SGCD: variants seen among roughly 807,000 people sequenced by gnomAD.
SGCD encodes delta-sarcoglycan.
In SGCD, 18 loss-of-function variants were observed where a neutral mutation model predicts 36.6. The observed-to-expected ratio is 0.49, with a 90% CI of 0.34 to 0.73. SGCD has a LOEUF of 0.73. SGCD is among the 30% of genes least tolerant of loss of function. The probability of loss-of-function intolerance (pLI) is 0.01; values close to 1 mark genes in which losing one functional copy is unlikely to be tolerated. For missense variants in SGCD, 387 were observed against 346.7 expected (o/e 1.12, Z -0.92); for synonymous variants, 133 against 130.6 (o/e 1.02, Z -0.12).
intron 1 of SGCD, among the ~76,000 whole-genome samples, chr5:155,951,044 C>T (rs1242781685): frequency 6.6e-6 from 1 of 152,138 alleles, no homozygotes; most frequent in Non-Finnish European, 1.5e-5. Context: ...GAGTTGAGGA[C>T]AGTGAGAGGG....
intron 7 of SGCD, among the ~76,000 whole-genome samples, chr5:156,685,201 G>GGAGATGC (rs1245004871): frequency 6.6e-6 from 1 of 152,096 alleles, no homozygotes; most frequent in African/African-American, 2.4e-5. Context: ...AGAATCCAGG[G>GGAGATGC]GAGATGCGTC....
At chr5:156,256,170 AT>A (rs1765710793) in intron 3 of SGCD, among the ~76,000 whole-genome samples, 1 of 140,516 alleles carries the variant, frequency 7.1e-6, no homozygotes, top group South Asian at 2.4e-4. Context: ...AAGAGTCTAT[AT>A]TCTTTTCTTG....
At chr5:156,402,481 C>A (rs1365438571) in intron 3 of SGCD, among the ~76,000 whole-genome samples, 1 of 152,178 alleles carries the variant, frequency 6.6e-6, no homozygotes, top group African/African-American at 2.4e-5. Context: ...CGAAATGAGA[C>A]AGCGTTGCCT....
At position 156,761,318 on chromosome 5, in the gene SGCD, C is replaced by G. The variant is rs571946152; in HGVS notation, c.*1928C>G. 6.6e-6 allele frequency: 1 copy of G among 152,256 alleles called. No individual in the cohort carries two copies. The highest frequency in any genetic ancestry group is 2.4e-5 in the African/African-American group (1 of 41,436). The allele number at this position is 152,256 out of a possible 1,614,324, so 9.4% of individuals were successfully genotyped here. ...TGGCGTCCAGACCCCAGACTCACTC[C>G]AAGCACTCTTGTTCAATATCTCATG... On this transcript the variant is annotated 3_prime_UTR_variant, in exon 9 of 9. Transcript: ENST00000337851.
chr5:156,122,799 A>T (rs767249394), intron 2 of SGCD, among the ~76,000 whole-genome samples: 1 of 131,462 alleles, frequency 7.6e-6, no homozygotes, highest in Non-Finnish European at 1.6e-5. Flanking sequence ...AACCTTGTAG[A>T]TCTTTAATGA....
chr5:156,094,501 C>A (rs32384), intron 1 of SGCD, among the ~76,000 whole-genome samples: 64,036 of 152,024 alleles, frequency 0.42, 13,905 homozygotes, highest in African/African-American at 0.5. Flanking sequence ...ATTTCCCAGT[C>A]CTTTGACAAA....
the SGCD span, among the ~76,000 whole-genome samples, chr5:155,857,379 G>A: frequency 6.6e-6 from 1 of 152,186 alleles, no homozygotes; most frequent in Non-Finnish European, 1.5e-5. Context: ...AAAATTGGAA[G>A]CAACTCAAAT....
chr5:156,531,175 T>A lies in SGCD; in HGVS notation c.294+22473T>A, dbSNP rs117860163. Among the ~76,000 whole-genome samples the A allele has an allele frequency of 4.4e-4, 67 of 152,312 alleles. 2 individuals carry two copies. In the East Asian group the frequency reaches 0.012, roughly 28 times the overall value. ...CTCTCCTGTCTCCTCTTCTGCCATG[T>A]GAGGACATAGTATTCCTCCCTTGGA... is the stretch of plus-strand genomic sequence containing the variant. On this transcript the variant is annotated intron_variant, in intron 4 of 8. Transcript: ENST00000337851.
rs1581545389 is a variant in SGCD at position 156,763,231 on chromosome 5, T to G, written c.*3841T>G. 6.5e-6 allele frequency: 1 copy of G among 152,744 alleles called. No individual in the cohort carries two copies. Among genetic ancestry groups the G allele is most frequent in the East Asian group, 1.9e-4 (1 of 5,188 alleles). The allele number at this position is 152,744 out of a possible 1,614,324, so 9.5% of individuals were successfully genotyped here. ...TGTAGGCTCTTTCTGCTGTCTATAT[T>G]CATTAAAGTTTTCCACTTCACCCTC... On this transcript the variant is annotated 3_prime_UTR_variant, in exon 9 of 9. Transcript: ENST00000337851.
intron 6 of SGCD, among the ~76,000 whole-genome samples, chr5:156,616,166 G>T (rs1363695941): frequency 6.6e-6 from 1 of 152,160 alleles, no homozygotes; most frequent in Non-Finnish European, 1.5e-5. Context: ...TCTGTCTTCA[G>T]CTCTGCTGGT....
intron 3 of SGCD, among the ~76,000 whole-genome samples, chr5:156,223,450 T>C (rs1021456120): frequency 4.6e-5 from 7 of 152,094 alleles, no homozygotes; most frequent in African/African-American, 1.7e-4. Flanking sequence ...TGATTTACAA[T>C]GGAGAATAGC....
chr5:156,211,348 C>T (rs990385166), intron 3 of SGCD, among the ~76,000 whole-genome samples: 1 of 152,118 alleles, frequency 6.6e-6, no homozygotes, highest in Non-Finnish European at 1.5e-5. Context: ...TGGCTCAAGC[C>T]TGTAATCCCA....
In SGCD at chr5:156,329,564, G is replaced by A. The variant is rs1440354794; in HGVS notation, c.-13G>A. 1.2e-6 allele frequency: 2 copies of A among 1,613,144 alleles called. No individual in the cohort carries two copies. The highest frequency in any genetic ancestry group is 2.7e-5 in the African/African-American group (2 of 74,888). ...TTACTGCCGGGAGTGTTGAGTGAAG[G>A]GACCAGGTGGAGATGGTGAGTAATT... On this transcript the variant is annotated 5_prime_UTR_variant, in exon 2 of 9. Transcript: ENST00000337851.
At chr5:155,909,316 C>A (rs114537362) in intron 1 of SGCD, among the ~76,000 whole-genome samples, 55 of 152,138 alleles carry the variant, frequency 3.6e-4, no homozygotes, top group African/African-American at 1.2e-3. Flanking sequence ...ATAAATATTT[C>A]GAAGATGGAA....
At chr5:156,187,866 G>A (rs1763800552) in intron 3 of SGCD, among the ~76,000 whole-genome samples, 1 of 152,166 alleles carries the variant, frequency 6.6e-6, no homozygotes, top group Admixed American at 6.5e-5. Context: ...GACTGACAAA[G>A]AAGCTCATTA....
chr5:156,740,713 T>A (rs1231980946), intron 7 of SGCD, among the ~76,000 whole-genome samples: 2 of 152,210 alleles, frequency 1.3e-5, no homozygotes, highest in Non-Finnish European at 2.9e-5. Flanking sequence ...GCTAAGTCAG[T>A]CTACGTCAAT....
chr5:155,869,192 T>G (rs1384841271), upstream of SGCD, among the ~76,000 whole-genome samples: 1 of 152,182 alleles, frequency 6.6e-6, no homozygotes, highest in African/African-American at 2.4e-5. Flanking sequence ...TTCTTGTCTT[T>G]TCTTTATTTA....
intron 1 of SGCD, among the ~76,000 whole-genome samples, chr5:155,975,048 A>C (rs2127560744): frequency 6.6e-6 from 1 of 152,320 alleles, no homozygotes; most frequent in East Asian, 1.9e-4. Flanking sequence ...TCCTGGAGAA[A>C]ACAACAGCAG....
At chr5:156,014,713 G>C (rs539047280) in intron 1 of SGCD, among the ~76,000 whole-genome samples, 1 of 152,094 alleles carries the variant, frequency 6.6e-6, no homozygotes, top group East Asian at 1.9e-4. Context: ...TTTTCCTTGT[G>C]TACAGGATCT....
Sources: gnomAD v4.1 joint callset for allele counts (sites outside exome capture counted in the v4.1 genomes callset) on GRCh38, gnomAD v4.1.1 for gene constraint, MANE v1.5 for transcripts, NCBI Gene and HGNC (gene_info 2026-07-23, HGNC 2026-07-21) for gene names.